Variants in CAMK1D observed in about 807,000 individuals in gnomAD.
The protein encoded by CAMK1D is calcium/calmodulin-dependent protein kinase type 1D.
In CAMK1D, 9 loss-of-function variants were observed where a neutral mutation model predicts 47.7. The observed-to-expected ratio is 0.19, with a 90% CI of 0.11 to 0.33. CAMK1D has a LOEUF of 0.33. Among genes scored for constraint, CAMK1D ranks in the 10% least tolerant of loss-of-function variants. CAMK1D has a pLI of 1.00. For synonymous variants in CAMK1D, 184 were observed against 184.9 expected (o/e 0.99, Z 0.04); for missense variants, 291 against 488.7 (o/e 0.60, Z 3.81).
intron 1 of CAMK1D, among the ~76,000 whole-genome samples, chr10:12,474,642 T>C (rs1033059955): frequency 3.3e-5 from 5 of 152,180 alleles, no homozygotes; most frequent in African/African-American, 9.7e-5. Flanking sequence ...AGGTTTGTTA[T>C]ATAGGTAAAC....
At chr10:12,776,768 A>C (rs1202473918) in intron 5 of CAMK1D, among the ~76,000 whole-genome samples, 1 of 152,244 alleles carries the variant, frequency 6.6e-6, no homozygotes, top group African/African-American at 2.4e-5. Flanking sequence ...GACAGACTTC[A>C]GCACTATGCT....
chr10:12,407,641 TG>T (rs916305905), intron 1 of CAMK1D, among the ~76,000 whole-genome samples: 1 of 152,220 alleles, frequency 6.6e-6, no homozygotes, highest in African/African-American at 2.4e-5. Context: ...GAGAAAGAGC[TG>T]GTTGAGCTGG....
intron 3 of CAMK1D, among the ~76,000 whole-genome samples, chr10:12,697,464 TCTCA>T (rs1833342347): frequency 6.6e-6 from 1 of 152,194 alleles, no homozygotes; most frequent in Non-Finnish European, 1.5e-5. Flanking sequence ...AATGGCTCAA[TCTCA>T]GCTCACTGCA....
intron 3 of CAMK1D, among the ~76,000 whole-genome samples, chr10:12,737,138 C>T (rs1034614661): frequency 2.0e-5 from 3 of 152,066 alleles, no homozygotes; most frequent in Non-Finnish European, 4.4e-5. Flanking sequence ...CTGGGCCTTC[C>T]TCCCACCCTC....
At chr10:12,470,824 G>A (rs1833723610) in intron 1 of CAMK1D, among the ~76,000 whole-genome samples, 1 of 152,196 alleles carries the variant, frequency 6.6e-6, no homozygotes, top group Admixed American at 6.5e-5. Flanking sequence ...GTCGTGTGTG[G>A]TTTTTGAATC....
intron 1 of CAMK1D, among the ~76,000 whole-genome samples, chr10:12,543,377 A>G (rs544727973): frequency 1.3e-5 from 2 of 152,258 alleles, no homozygotes; most frequent in East Asian, 3.9e-4. Context: ...ACTTTAGGTT[A>G]AATAGTAAAG....
chr10:12,455,366 GT>G (rs1833211115), intron 1 of CAMK1D, among the ~76,000 whole-genome samples: 1 of 152,132 alleles, frequency 6.6e-6, no homozygotes, highest in South Asian at 2.1e-4. Flanking sequence ...AGAGACAGGG[GT>G]TTTGCCATGT....
At chr10:12,381,323 T>G (rs560636352) in intron 1 of CAMK1D, among the ~76,000 whole-genome samples, 40 of 151,372 alleles carry the variant, frequency 2.6e-4, no homozygotes, top group African/African-American at 9.2e-4. Flanking sequence ...TCGGAAGGAC[T>G]AGAAAATCAT....
At chr10:12,745,594 A>G (rs1011573008) in intron 3 of CAMK1D, among the ~76,000 whole-genome samples, 33 of 143,282 alleles carry the variant, frequency 2.3e-4, no homozygotes, top group African/African-American at 9.0e-4. Flanking sequence ...AACTCTGCCA[A>G]TTTTCTTTTT....
intron 3 of CAMK1D, among the ~76,000 whole-genome samples, chr10:12,733,681 T>G (rs937663539): frequency 6.6e-6 from 1 of 152,194 alleles, no homozygotes; most frequent in African/African-American, 2.4e-5. Context: ...TAAATTTCAT[T>G]TATGTTATGC....
intron 2 of CAMK1D, among the ~76,000 whole-genome samples, chr10:12,634,016 A>G (rs970807366): frequency 2.0e-5 from 3 of 152,196 alleles, no homozygotes; most frequent in Non-Finnish European, 4.4e-5. Flanking sequence ...AGTCAGAGGG[A>G]TCACCTGAGC....
chr10:12,370,188 T>TGTC (rs1837963759), intron 1 of CAMK1D, among the ~76,000 whole-genome samples: 1 of 152,108 alleles, frequency 6.6e-6, no homozygotes, highest in Admixed American at 6.5e-5. Context: ...GTTGCCTCGT[T>TGTC]GTCGCTGTCA....
intron 1 of CAMK1D, among the ~76,000 whole-genome samples, chr10:12,402,682 A>T (rs1451495116): frequency 6.6e-6 from 1 of 152,058 alleles, no homozygotes; most frequent in Non-Finnish European, 1.5e-5. Flanking sequence ...GGAGTCAGGG[A>T]GAGGTTAGTG....
intron 2 of CAMK1D, among the ~76,000 whole-genome samples, chr10:12,632,667 T>C (rs1426864986): frequency 6.6e-6 from 1 of 152,196 alleles, no homozygotes; most frequent in African/African-American, 2.4e-5. Flanking sequence ...ATCTTTGGAC[T>C]GCTCATGTGT....
intron 3 of CAMK1D, among the ~76,000 whole-genome samples, chr10:12,703,311 C>T (rs950991885): frequency 4.6e-5 from 7 of 152,158 alleles, no homozygotes; most frequent in Admixed American, 1.3e-4. Context: ...AGAATGGAGT[C>T]GGGTGAAAGA....
intron 3 of CAMK1D, among the ~76,000 whole-genome samples, chr10:12,756,724 A>G (rs962275927): frequency 6.6e-6 from 1 of 152,206 alleles, no homozygotes; most frequent in African/African-American, 2.4e-5. Flanking sequence ...CAGAAGATCG[A>G]CACCATCCTG....
At chr10:12,811,798 C>T (rs1832618205) in intron 6 of CAMK1D, among the ~76,000 whole-genome samples, 1 of 152,240 alleles carries the variant, frequency 6.6e-6, no homozygotes. Flanking sequence ...ACATTTTGCT[C>T]TGTCTGCGTT....
chr10:12,664,211 C>G (rs1017009767), intron 2 of CAMK1D, among the ~76,000 whole-genome samples: 3 of 152,116 alleles, frequency 2.0e-5, no homozygotes, highest in Admixed American at 1.3e-4. Flanking sequence ...TTTTTGATAG[C>G]AAAACTTTAT....
intron 1 of CAMK1D, among the ~76,000 whole-genome samples, chr10:12,371,626 A>C (rs1414446598): frequency 7.2e-6 from 1 of 138,782 alleles, no homozygotes; most frequent in East Asian, 2.3e-4. Context: ...GGCTAGGCAC[A>C]GTGGCTCACG....
Sources: gnomAD v4.1 joint callset for allele counts (sites outside exome capture counted in the v4.1 genomes callset) on GRCh38, gnomAD v4.1.1 for gene constraint, MANE v1.5 for transcripts, NCBI Gene and HGNC (gene_info 2026-07-23, HGNC 2026-07-21) for gene names.